The following NAALADL2 variants were observed in gnomAD, a reference collection of about 807,000 sequenced individuals.
NAALADL2 encodes the protein inactive N-acetylated-alpha-linked acidic dipeptidase-like protein 2.
In NAALADL2, 76 loss-of-function variants were observed where a neutral mutation model predicts 87.2. The ratio of observed to expected loss-of-function variants is 0.87; its 90% CI spans 0.72 to 1.05. The LOEUF (loss-of-function observed/expected upper bound fraction) is 1.05. Ranked by LOEUF, NAALADL2 falls within the 50% of genes least tolerant of loss-of-function variation. NAALADL2 has a pLI of 0.00. For synonymous variants in NAALADL2, 354 were observed against 331.0 expected, an observed-to-expected ratio of 1.07 and a Z score of -0.75; for missense variants, 1,089 against 945.8, an observed-to-expected ratio of 1.15 and a Z score of -1.99.
intron 2 of NAALADL2, chr3:174,551,064 T>A (rs917486183): frequency 6.6e-6 from 1 of 152,152 alleles, no homozygotes; most frequent in Admixed American, 6.5e-5. Flanking sequence ...TACATATGTA[T>A]ACATGTGCCA....
At chr3:174,972,704 A>G (rs1371932586) in intron 1 of NAALADL2, among the ~76,000 whole-genome samples, 1 of 152,108 alleles carries the variant, frequency 6.6e-6, no homozygotes, top group African/African-American at 2.4e-5. Flanking sequence ...TGAATAAATA[A>G]TCCCACTTAG....
chr3:174,866,451 A>T (rs1243304895), intron 1 of NAALADL2, among the ~76,000 whole-genome samples: 2 of 151,886 alleles, frequency 1.3e-5, no homozygotes, highest in African/African-American at 4.8e-5. Flanking sequence ...TAATTTAAAA[A>T]TATAGATTGT....
chr3:175,647,751 T>C (rs986979049), intron 11 of NAALADL2, among the ~76,000 whole-genome samples: 1 of 152,198 alleles, frequency 6.6e-6, no homozygotes, highest in Non-Finnish European at 1.5e-5. Flanking sequence ...CTAAGAACTA[T>C]CTGAGTAAGA....
chr3:175,243,345 C>CACACACAT (rs386356511), intron 3 of NAALADL2, among the ~76,000 whole-genome samples: 1 of 149,122 alleles, frequency 6.7e-6, no homozygotes, highest in East Asian at 2.0e-4. Flanking sequence ...CACACACACA[C>CACACACAT]GCACGCACAC....
chr3:175,027,407 T>C (rs1752342409), intron 1 of NAALADL2, among the ~76,000 whole-genome samples: 1 of 152,030 alleles, frequency 6.6e-6, no homozygotes, highest in African/African-American at 2.4e-5. Context: ...AACCATAACA[T>C]TATAGAAAAA....
intron 1 of NAALADL2, among the ~76,000 whole-genome samples, chr3:174,913,636 G>A (rs919941899): frequency 6.6e-6 from 1 of 151,998 alleles, no homozygotes; most frequent in African/African-American, 2.4e-5. Context: ...GGAAAAAAAG[G>A]GATAAATAAT....
chr3:174,626,489 T>C (rs1721590540), intron 2 of NAALADL2, among the ~76,000 whole-genome samples: 1 of 152,082 alleles, frequency 6.6e-6, no homozygotes, highest in Non-Finnish European at 1.5e-5. Flanking sequence ...ACCTTTTGGT[T>C]TACAAGAGTG....
At chr3:175,593,151 T>C (rs1036596357) in intron 10 of NAALADL2, among the ~76,000 whole-genome samples, 5 of 152,106 alleles carry the variant, frequency 3.3e-5, no homozygotes, top group African/African-American at 1.2e-4. Context: ...TTTATCCTGA[T>C]GCTCTCCCTC....
intron 2 of NAALADL2, among the ~76,000 whole-genome samples, chr3:174,657,450 C>A (rs1294554784): frequency 6.6e-6 from 1 of 151,968 alleles, no homozygotes; most frequent in Admixed American, 6.6e-5. Flanking sequence ...AGCGACCCTG[C>A]CCGGCCACAA....
chr3:174,694,704 C>T (rs1184654213), intron 2 of NAALADL2, among the ~76,000 whole-genome samples: 1 of 152,012 alleles, frequency 6.6e-6, no homozygotes, highest in Admixed American at 6.6e-5. Flanking sequence ...ACTCTTTATA[C>T]ATGAGAATGG....
chr3:175,769,968 T>A (rs540972933), intron 13 of NAALADL2, among the ~76,000 whole-genome samples: 1 of 140,470 alleles, frequency 7.1e-6, no homozygotes, highest in East Asian at 1.9e-4. Context: ...TTTTTTCTTG[T>A]TCAGGGTGCC....
chr3:175,677,402 T>C (rs1229349588), intron 11 of NAALADL2, among the ~76,000 whole-genome samples: 1 of 151,940 alleles, frequency 6.6e-6, no homozygotes, highest in Non-Finnish European at 1.5e-5. Context: ...ACTGCTTGCC[T>C]ATTTTTTTAT....
At position 174,707,537 on chromosome 3, in the gene NAALADL2, A is replaced by G. The variant is rs566240890; in HGVS notation, c.-114-30104A>G. Among the ~76,000 whole-genome samples, 4 of 151,412 alleles carry G rather than the reference A, an allele frequency of 2.6e-5. No individual in the cohort carries two copies. In the South Asian group the frequency reaches 8.4e-4, roughly 32 times the overall value. On this transcript the variant is annotated intron_variant, in intron 2 of 3. Coordinates refer to the NAALADL2 transcript ENST00000434257. ...TGGAAACCATCATTCTCAGCAAACT[A>G]TTGCAAGGACAGAAAACCAAACACC...
intron 1 of NAALADL2, among the ~76,000 whole-genome samples, chr3:174,480,039 C>A (rs1717459027): frequency 6.6e-6 from 1 of 151,956 alleles, no homozygotes; most frequent in Non-Finnish European, 1.5e-5. Context: ...CAACATAAAA[C>A]CAGTTAGTAA....
At chr3:175,244,379 C>T (rs1747563555) in intron 3 of NAALADL2, among the ~76,000 whole-genome samples, 1 of 151,768 alleles carries the variant, frequency 6.6e-6, no homozygotes, top group Non-Finnish European at 1.5e-5. Context: ...TTCTCTGTAC[C>T]TCTTTTTTCA....
At chr3:174,589,957 C>A (rs1439974001) in intron 2 of NAALADL2, among the ~76,000 whole-genome samples, 2 of 151,218 alleles carry the variant, frequency 1.3e-5, no homozygotes, top group Non-Finnish European at 2.9e-5. Flanking sequence ...TATATCTTTA[C>A]ATATTAATTA....
chr3:174,961,527 A>G (rs1742000397), intron 1 of NAALADL2, among the ~76,000 whole-genome samples: 2 of 152,068 alleles, frequency 1.3e-5, no homozygotes. Context: ...GAAGGAAAAA[A>G]TGATTGAATC....
intron 2 of NAALADL2, among the ~76,000 whole-genome samples, chr3:174,574,899 A>C (rs1181095738): frequency 6.6e-6 from 1 of 152,092 alleles, no homozygotes; most frequent in African/African-American, 2.4e-5. Context: ...AAGCAAAACG[A>C]GTTTATCCAT....
chr3:174,681,959 T>C (rs1727584920), intron 2 of NAALADL2, among the ~76,000 whole-genome samples: 1 of 152,104 alleles, frequency 6.6e-6, no homozygotes, highest in African/African-American at 2.4e-5. Context: ...ACAAGCTAAC[T>C]GAAGAGCCCT....
Sources: allele counts gnomAD v4.1 joint callset (sites outside exome capture counted in the v4.1 genomes callset), GRCh38; gene constraint gnomAD v4.1.1; transcripts MANE v1.5; gene names NCBI Gene and HGNC (gene_info 2026-07-23, HGNC 2026-07-21).